Variants in GTF2IRD1 observed in about 807,000 individuals in gnomAD.
GTF2IRD1 encodes the protein GTF2I repeat domain containing 1.
A neutral mutation model predicts 113.2 loss-of-function variants in GTF2IRD1; 26 were observed. The ratio of observed to expected loss-of-function variants is 0.23; its 90% CI spans 0.17 to 0.32. GTF2IRD1 has a LOEUF of 0.32. Ranked by LOEUF, GTF2IRD1 falls within the 10% of genes least tolerant of loss-of-function variation. GTF2IRD1 has a pLI of 1.00. For synonymous variants in GTF2IRD1, 484 were observed against 529.1 expected (o/e 0.91, Z 1.17); for missense variants, 864 against 1,280.8 (o/e 0.67, Z 4.97).
intron 1 of GTF2IRD1, among the ~76,000 whole-genome samples, chr7:74,456,912 G>C (rs1263476703): frequency 6.6e-6 from 1 of 152,070 alleles, no homozygotes; most frequent in Non-Finnish European, 1.5e-5. Flanking sequence ...CTTGGCTGTG[G>C]TATCTTTGGG....
rs148286431 is a variant in GTF2IRD1 at position 74,557,673 on chromosome 7, C to A, written c.2058C>A (p.Ile686=). ...NYDARLSRID[I]ANTLREQVQD... ...ACGCGAGGCTCTCACGGATCGACAT[C>A]GCCAACACACTAAGGGAGCAGGTCC... The change falls in exon 20 of 27, where the codon ATC becomes ATA. Residue 686 remains isoleucine (I), a synonymous_variant. Coordinates refer to ENST00000424337, the MANE Select transcript of GTF2IRD1 (RefSeq NM_005685.4). 3 of 1,613,526 alleles carry A rather than the reference C, an allele frequency of 1.9e-6. No homozygotes were observed. The South Asian group carries it at 3.3e-5, about 18-fold the overall frequency.
At chr7:74,467,618 A>G (rs1554331240) in intron 1 of GTF2IRD1, among the ~76,000 whole-genome samples, 1 of 152,128 alleles carries the variant, frequency 6.6e-6, no homozygotes, top group Admixed American at 6.6e-5. Flanking sequence ...TGCCTGCCTC[A>G]GCTTCCCGAG....
chr7:74,474,581 C>T (rs1255143844), intron 1 of GTF2IRD1, among the ~76,000 whole-genome samples: 1 of 152,214 alleles, frequency 6.6e-6, no homozygotes, highest in Non-Finnish European at 1.5e-5. Context: ...CACTTTGAAG[C>T]TGGCCCCTGA....
chr7:74,482,419 G>A (rs1313368887), intron 1 of GTF2IRD1, among the ~76,000 whole-genome samples: 1 of 151,764 alleles, frequency 6.6e-6, no homozygotes, highest in East Asian at 1.9e-4. Context: ...GTAGAGTCAG[G>A]GTCTCTCTGT....
chr7:74,541,497 G>A (rs78236042), intron 14 of GTF2IRD1, among the ~76,000 whole-genome samples: 28,406 of 152,000 alleles, frequency 0.19, 2,807 homozygotes, highest in Middle Eastern at 0.21. Flanking sequence ...GTGGTGGTGC[G>A]TGCCTGTAGT....
intron 22 of GTF2IRD1, among the ~76,000 whole-genome samples, chr7:74,574,617 G>A (rs1800905024): frequency 6.6e-6 from 1 of 151,290 alleles, no homozygotes; most frequent in Non-Finnish European, 1.5e-5. Flanking sequence ...GCACCACCGT[G>A]CCAGGCTAAT....
chr7:74,499,865 CAAAG>C (rs1795928802), intron 1 of GTF2IRD1, among the ~76,000 whole-genome samples: 1 of 151,902 alleles, frequency 6.6e-6, no homozygotes, highest in Non-Finnish European at 1.5e-5. Flanking sequence ...TGAATGCACA[CAAAG>C]GAATGAATGA....
chr7:74,460,045 G>A (rs141745598), intron 1 of GTF2IRD1, among the ~76,000 whole-genome samples: 1,558 of 147,454 alleles, frequency 0.011, 14 homozygotes, highest in Non-Finnish European at 0.014. Context: ...GCACAATCTC[G>A]GCTCACTGCA....
At chr7:74,488,852 T>C (rs1795166085) in intron 1 of GTF2IRD1, among the ~76,000 whole-genome samples, 2 of 151,104 alleles carry the variant, frequency 1.3e-5, no homozygotes, top group South Asian at 2.1e-4. Context: ...TTAAGAAATA[T>C]GGACTTTTGC....
chr7:74,470,307 G>C (rs193167148), intron 1 of GTF2IRD1, among the ~76,000 whole-genome samples: 239 of 152,156 alleles, frequency 1.6e-3, no homozygotes, highest in Non-Finnish European at 2.8e-3. Context: ...TTTAAAATAC[G>C]CTATGCAATA....
intron 3 of GTF2IRD1, 158 bp from the exon 4 acceptor site, chr7:74,515,283 G>C: frequency 6.8e-7 from 1 of 1,469,108 alleles, no homozygotes; most frequent in South Asian, 1.3e-5. Context: ...GGTTGGAATA[G>C]GGCTTGCTCA....
chr7:74,558,585 C>T (rs1276296710), intron 20 of GTF2IRD1, among the ~76,000 whole-genome samples: 3 of 151,848 alleles, frequency 2.0e-5, no homozygotes, highest in African/African-American at 4.8e-5. Context: ...AGGCTGATCT[C>T]GAACTCTTAG....
chr7:74,515,611 C>A lies in GTF2IRD1; in HGVS notation c.421+15C>A. On this transcript the variant is annotated intron_variant, in intron 4 of 26. Transcript: ENST00000424337. ...TGTTCTTTATAGTAAGATCCTTCCT[C>A]ATTCCATTTGGGGGCCCCAGGGAGG... is the stretch of plus-strand genomic sequence containing the variant. 6.3e-7 allele frequency: 1 copy of A among 1,596,506 alleles called. No homozygotes were observed.
At chr7:74,593,754 A>AAAAAAT (rs1457696993) in intron 24 of GTF2IRD1, among the ~76,000 whole-genome samples, 1 of 139,216 alleles carries the variant, frequency 7.2e-6, no homozygotes, top group South Asian at 2.2e-4. Context: ...AAAAAAAAAA[A>AAAAAAT]TTAGCTAAGT....
intron 4 of GTF2IRD1, among the ~76,000 whole-genome samples, chr7:74,516,154 C>G (rs1304058219): frequency 6.6e-6 from 1 of 152,218 alleles, no homozygotes; most frequent in Non-Finnish European, 1.5e-5. Context: ...GCTGTTACAT[C>G]TTTTGAGACT....
chr7:74,534,619 C>T (rs1554349741), intron 9 of GTF2IRD1, among the ~76,000 whole-genome samples: 2 of 152,014 alleles, frequency 1.3e-5, no homozygotes, highest in South Asian at 2.1e-4. Flanking sequence ...GCGAGGCTGA[C>T]AATGACTCCT....
chr7:74,552,957 C>T (rs1157886404), intron 17 of GTF2IRD1, among the ~76,000 whole-genome samples: 1 of 152,152 alleles, frequency 6.6e-6, no homozygotes, highest in Non-Finnish European at 1.5e-5. Flanking sequence ...CCGGCCTCAG[C>T]CTCCTGAGTA....
chr7:74,543,357 C>T (rs1317548819), intron 14 of GTF2IRD1, among the ~76,000 whole-genome samples: 1 of 152,028 alleles, frequency 6.6e-6, no homozygotes, highest in Non-Finnish European at 1.5e-5. Flanking sequence ...TCTGTAATCC[C>T]AGCTACTCAG....
intron 22 of GTF2IRD1, among the ~76,000 whole-genome samples, chr7:74,566,068 G>A (rs1447225335): frequency 1.3e-5 from 2 of 150,976 alleles, no homozygotes; most frequent in East Asian, 3.9e-4. Flanking sequence ...ATATGCCCAT[G>A]GTAGAAATTT....
Sources: allele counts gnomAD v4.1 joint callset (sites outside exome capture counted in the v4.1 genomes callset), GRCh38; gene constraint gnomAD v4.1.1; transcripts MANE v1.5; gene names NCBI Gene and HGNC (gene_info 2026-07-23, HGNC 2026-07-21).